The following GRM8 variants were observed in gnomAD, a reference collection of about 807,000 sequenced individuals.
GRM8 encodes the protein metabotropic glutamate receptor 8.
Under a neutral mutation model 87.2 loss-of-function variants are expected in GRM8, and 47 were observed. The observed-to-expected ratio is 0.54, with a 90% CI of 0.43 to 0.69. GRM8 has a LOEUF of 0.69. GRM8 is among the 30% of genes least tolerant of loss of function. GRM8 has a pLI of 0.00. For missense variants in GRM8, 1,019 were observed against 1,139.2 expected (o/e 0.89, Z 1.52); for synonymous variants, 396 against 404.5 (o/e 0.98, Z 0.25).
chr7:126,850,576 G>C (rs560542735), intron 6 of GRM8, among the ~76,000 whole-genome samples: 3 of 152,172 alleles, frequency 2.0e-5, no homozygotes, highest in African/African-American at 7.2e-5. Flanking sequence ...ATTTTGGAGA[G>C]AGTCCAAGGA....
In GRM8 at chr7:126,626,717, C is replaced by T. The variant is rs1005503136; in HGVS notation, c.1358-17219G>A. Among the ~76,000 whole-genome samples, 3 of 152,062 alleles carry T rather than the reference C, an allele frequency of 2.0e-5. No homozygotes were observed. In the East Asian group the frequency reaches 5.8e-4, roughly 29 times the overall value. On this transcript the variant is annotated intron_variant, in intron 7 of 10. Transcript: ENST00000339582. ...ACCTTCTCTTTGCTTTATACTTCTCCATATAAAATGTAGAACAATCTGGCT... is the reference window on the plus strand; with the variant it reads ...ACCTTCTCTTTGCTTTATACTTCTCTATATAAAATGTAGAACAATCTGGCT...
intron 2 of GRM8, among the ~76,000 whole-genome samples, chr7:127,135,532 G>A (rs1293044075): frequency 2.3e-5 from 3 of 133,196 alleles, no homozygotes; most frequent in Non-Finnish European, 4.8e-5. Context: ...GAAGAGGCTA[G>A]TTAGAAAGTC....
chr7:126,597,170 A>G (rs1797288958), intron 8 of GRM8, among the ~76,000 whole-genome samples: 1 of 152,146 alleles, frequency 6.6e-6, no homozygotes, highest in Non-Finnish European at 1.5e-5. Flanking sequence ...CGGGGAGTTT[A>G]GGAGGATCCT....
chr7:126,606,234 C>T (rs1798330067), intron 8 of GRM8, among the ~76,000 whole-genome samples: 1 of 152,168 alleles, frequency 6.6e-6, no homozygotes, highest in African/African-American at 2.4e-5. Flanking sequence ...CACACAAACT[C>T]AAGTCCCTCT....
At chr7:126,870,182 A>G (rs896196004) in intron 6 of GRM8, 12 of 152,194 alleles carry the variant, frequency 7.9e-5, no homozygotes, top group Non-Finnish European at 1.3e-4. Flanking sequence ...CACCTCGATC[A>G]GCCCTCAAGA....
chr7:126,604,257 C>T (rs902397307), intron 8 of GRM8, among the ~76,000 whole-genome samples: 1 of 151,932 alleles, frequency 6.6e-6, no homozygotes, highest in Admixed American at 6.6e-5. Context: ...TAGTTTTTCC[C>T]AAAGCATTTG....
chr7:126,555,226 G>A (rs887998820), intron 8 of GRM8, among the ~76,000 whole-genome samples: 2 of 152,184 alleles, frequency 1.3e-5, no homozygotes, highest in African/African-American at 2.4e-5. Context: ...ATTTATAGTC[G>A]ATCCCATGAC....
At position 126,788,409 on chromosome 7, in the gene GRM8, C is replaced by CAAAAAAAAAAAAA. The variant is rs67131936; in HGVS notation, c.1157-18357_1157-18345dup. On this transcript the variant is annotated intron_variant, in intron 6 of 10. Coordinates refer to ENST00000339582, the MANE Select transcript of GRM8 (RefSeq NM_000845.3). ...TGGGTATCAGAGCAAGACTCCATCT[C>CAAAAAAAAAAAAA]AAAAAAAAAAAAAACCCTTTCAGAT... 2.0e-3 allele frequency among the ~76,000 whole-genome samples: 22 copies of CAAAAAAAAAAAAA among 10,780 alleles called. 2 individuals are homozygous for CAAAAAAAAAAAAA. The highest frequency in any genetic ancestry group is 9.3e-3 in the South Asian group (2 of 216). 7.1% of individuals were successfully genotyped at this position (10,780 alleles called of 152,430 possible). A position where few individuals can be genotyped will look rare whatever the true frequency, so the allele number is the denominator to read the frequency against.
At chr7:126,585,853 A>G (rs1455342657) in intron 8 of GRM8, among the ~76,000 whole-genome samples, 1 of 152,210 alleles carries the variant, frequency 6.6e-6, no homozygotes, top group Non-Finnish European at 1.5e-5. Flanking sequence ...GGAGAAAGAA[A>G]TAAAGGGTAT....
chr7:126,633,076 T>C lies in GRM8; in HGVS notation c.1358-23578A>G, dbSNP rs529353907. On this transcript the variant is annotated intron_variant, in intron 7 of 10. Coordinates refer to ENST00000339582, the MANE Select transcript of GRM8 (RefSeq NM_000845.3). ...ATATTTGCTTTGAATATAGGAAATA[T>C]GGAAGACCTGGAAGAATAAAATAAG... Among the ~76,000 whole-genome samples, 266 of 152,168 alleles carry C rather than the reference T, an allele frequency of 1.7e-3. 1 individual carries two copies. The highest frequency in any genetic ancestry group is 6.2e-3 in the African/African-American group (257 of 41,544).
At chr7:126,531,288 C>A (rs148238641) in intron 9 of GRM8, among the ~76,000 whole-genome samples, 4 of 152,206 alleles carry the variant, frequency 2.6e-5, no homozygotes, top group East Asian at 1.9e-4. Flanking sequence ...ATTTCTTTAG[C>A]CTTTTTCACA....
intron 7 of GRM8, among the ~76,000 whole-genome samples, chr7:126,686,095 T>A (rs1310807817): frequency 6.6e-6 from 1 of 151,224 alleles, no homozygotes; most frequent in Non-Finnish European, 1.5e-5. Context: ...TCCTCTCTGC[T>A]GAAAGTTGAG....
At chr7:126,787,181 G>A (rs537796865) in intron 6 of GRM8, among the ~76,000 whole-genome samples, 2 of 152,192 alleles carry the variant, frequency 1.3e-5, no homozygotes, top group East Asian at 3.9e-4. Flanking sequence ...GATAATGCCC[G>A]GGTGTGACCA....
chr7:127,058,922 C>T (rs527647952), intron 3 of GRM8, among the ~76,000 whole-genome samples: 143 of 152,284 alleles, frequency 9.4e-4, no homozygotes, highest in African/African-American at 3.1e-3. Context: ...AGTGTGTGAC[C>T]TCTCTTTCAT....
intron 2 of GRM8, among the ~76,000 whole-genome samples, chr7:127,215,671 T>A (rs548538449): frequency 1.3e-5 from 2 of 152,366 alleles, no homozygotes; most frequent in Admixed American, 1.3e-4. Flanking sequence ...TAGCTACATA[T>A]TTAAAAGGTT....
chr7:126,907,361 G>A (rs1009892193), intron 3 of GRM8, among the ~76,000 whole-genome samples: 1 of 151,928 alleles, frequency 6.6e-6, no homozygotes, highest in Non-Finnish European at 1.5e-5. Flanking sequence ...GAAAGCAGAA[G>A]CAGAAGAGGC....
chr7:126,551,679 T>C (rs550001232), intron 8 of GRM8, among the ~76,000 whole-genome samples: 1 of 136,328 alleles, frequency 7.3e-6, no homozygotes, highest in African/African-American at 2.5e-5. Context: ...TTGGCAACCA[T>C]ACGTAATTTT....
chr7:127,237,170 C>T lies in GRM8; in HGVS notation c.510+5525G>A, dbSNP rs190035775. Among the ~76,000 whole-genome samples, 193 of 152,314 alleles carry T rather than the reference C, an allele frequency of 1.3e-3. 1 individual carries two copies. The highest frequency in any genetic ancestry group is 4.4e-3 in the African/African-American group (183 of 41,576). On this transcript the variant is annotated intron_variant, in intron 2 of 10. Transcript: ENST00000339582. ...TAGCTGGGAGTTTAAGTGCTACTTACCAGTCCTCTCTCACCTAAGGAGAGT... is the reference window on the plus strand; with the variant it reads ...TAGCTGGGAGTTTAAGTGCTACTTATCAGTCCTCTCTCACCTAAGGAGAGT...
chr7:126,583,432 G>A (rs1795805728), intron 8 of GRM8, among the ~76,000 whole-genome samples: 1 of 151,960 alleles, frequency 6.6e-6, no homozygotes, highest in African/African-American at 2.4e-5. Context: ...TAATGCTGTA[G>A]CTGCCATACT....
Sources: allele counts gnomAD v4.1 joint callset (sites outside exome capture counted in the v4.1 genomes callset), GRCh38; gene constraint gnomAD v4.1.1; transcripts MANE v1.5; gene names NCBI Gene and HGNC (gene_info 2026-07-23, HGNC 2026-07-21).